Variants in SLFN12L observed in about 807,000 individuals in gnomAD.
SLFN12L encodes schlafen family member 12-like.
Under a neutral mutation model 34.8 loss-of-function variants are expected in SLFN12L, and 34 were observed. The ratio of observed to expected loss-of-function variants is 0.98; its 90% CI spans 0.74 to 1.30. The LOEUF (loss-of-function observed/expected upper bound fraction) is 1.30, where lower values mean the gene tolerates loss of function less well. Ranked by LOEUF, SLFN12L falls within the 50% of genes most tolerant of loss-of-function variation. The pLI, the probability that SLFN12L is intolerant of heterozygous loss-of-function variation, is 0.00. For synonymous variants in SLFN12L, 259 were observed against 247.5 expected (o/e 1.05, Z -0.44); for missense variants, 703 against 696.2 (o/e 1.01, Z -0.11).
At chr17:35,506,633 T>C (rs1915472476) in intron 2 of SLFN12L, among the ~76,000 whole-genome samples, 1 of 152,210 alleles carries the variant, frequency 6.6e-6, no homozygotes. Flanking sequence ...AATGTGCCAG[T>C]ACCAGAAATT....
Position 35,470,605 on chromosome 17 carries a change from C to G in SLFN12L, c.*4318G>C, listed in dbSNP as rs12937961. 23,040 of 151,938 alleles carry G rather than the reference C, an allele frequency of 0.15. 1,914 individuals carry two copies. The highest frequency in any genetic ancestry group is 0.25 in the Middle Eastern group (76 of 302). 9.4% of individuals were successfully genotyped at this position (151,938 alleles called of 1,614,324 possible). The stretch of plus-strand genomic sequence containing the variant: ...GGTCACCCATCACCAGCAGCTGATA[C>G]AGGCTGCCTGAGGTTCAGGGCTGGA... On this transcript the variant is annotated 3_prime_UTR_variant, in exon 5 of 5. Coordinates refer to ENST00000628453, the MANE Select transcript of SLFN12L (RefSeq NM_001363830.2).
intron 2 of SLFN12L, among the ~76,000 whole-genome samples, chr17:35,494,228 T>TA (rs3087170): frequency 0.016 from 2,339 of 149,128 alleles, 53 homozygotes; most frequent in African/African-American, 0.049. Flanking sequence ...TAATATAATG[T>TA]AAAAAAAAAA....
At chr17:35,488,476 C>A (rs1354548984) in intron 2 of SLFN12L, among the ~76,000 whole-genome samples, 1 of 152,206 alleles carries the variant, frequency 6.6e-6, no homozygotes, top group African/African-American at 2.4e-5. Context: ...TCCAGTGGCT[C>A]CTCTAACTGG....
chr17:35,536,650 T>TA (rs1445561145), intron 1 of SLFN12L, among the ~76,000 whole-genome samples: 3 of 150,674 alleles, frequency 2.0e-5, no homozygotes, highest in African/African-American at 7.3e-5. Context: ...CTACAAAATA[T>TA]AAAAAAATTA....
intron 4 of SLFN12L, among the ~76,000 whole-genome samples, chr17:35,476,705 C>A (rs1914042099): frequency 6.7e-6 from 1 of 148,908 alleles, no homozygotes; most frequent in African/African-American, 2.5e-5. Flanking sequence ...GTAATTAGTG[C>A]AAAATTAAAA....
intron 2 of SLFN12L, among the ~76,000 whole-genome samples, chr17:35,486,874 G>C (rs542416344): frequency 6.6e-6 from 1 of 152,174 alleles, no homozygotes; most frequent in Non-Finnish European, 1.5e-5. Context: ...CACAAGGGTG[G>C]GACAGGAGGC....
Position 35,480,017 on chromosome 17 carries a change from C to T in SLFN12L, c.265G>A (p.Ala89Thr), listed in dbSNP as rs904732015. ...RKQQNENVSR[A>T]VCALLNSGGG... ...CCAGAATTCAGCAGAGCACACACAGCTCGTGAGACATTTTCATTCTGCTGT... is the reference window on the plus strand; with the variant it reads ...CCAGAATTCAGCAGAGCACACACAGTTCGTGAGACATTTTCATTCTGCTGT... Residue 89 changes from alanine (A) to threonine (T), a missense_variant, in exon 3 of 5, where the codon GCT becomes ACT. Coordinates refer to ENST00000628453, the MANE Select transcript of SLFN12L (RefSeq NM_001363830.2). 6.2e-7 allele frequency: 1 copy of T among 1,614,184 alleles called. No individual in the cohort carries two copies. Among genetic ancestry groups the T allele is most frequent in the Non-Finnish European group, 8.5e-7 (1 of 1,180,028 alleles).
At chr17:35,485,088 CTTTT>C (rs993933745) in intron 2 of SLFN12L, among the ~76,000 whole-genome samples, 2 of 152,046 alleles carry the variant, frequency 1.3e-5, no homozygotes, top group African/African-American at 4.8e-5. Flanking sequence ...TCTCTTCTTT[CTTTT>C]TTGATTTTAG....
rs936921403 is a variant in SLFN12L, at chr17:35,469,980, G to C, written c.*4943C>G. 6.6e-6 allele frequency: 1 copy of C among 152,076 alleles called. No individual in the cohort carries two copies. The highest frequency in any genetic ancestry group is 1.5e-5 in the Non-Finnish European group (1 of 68,032). 9.4% of individuals were successfully genotyped at this position (152,076 alleles called of 1,614,324 possible). On this transcript the variant is annotated 3_prime_UTR_variant, in exon 5 of 5. Coordinates refer to ENST00000628453, the MANE Select transcript of SLFN12L (RefSeq NM_001363830.2). ...CTGCTCCTCTTTCCTTAACCAACTGGATGCTTTACCACATGACCCTGCATG... is the reference window on the plus strand; with the variant it reads ...CTGCTCCTCTTTCCTTAACCAACTGCATGCTTTACCACATGACCCTGCATG...
At chr17:35,491,129 T>G in intron 2 of SLFN12L, 1 of 775,344 alleles carries the variant, frequency 1.3e-6, no homozygotes, top group Non-Finnish European at 2.4e-6. Context: ...GTGAACTTAC[T>G]GCCTCCCCTG....
At chr17:35,490,210 T>G in intron 2 of SLFN12L, 1 of 1,587,408 alleles carries the variant, frequency 6.3e-7, no homozygotes, top group Non-Finnish European at 8.6e-7. Flanking sequence ...GCAGTGGCCC[T>G]CTGGCAAAGT....
chr17:35,490,042 C>A, intron 2 of SLFN12L: 1 of 1,604,108 alleles, frequency 6.2e-7, no homozygotes, highest in South Asian at 1.1e-5. Flanking sequence ...CCACCACCTC[C>A]TGTTCCCTCT....
intron 2 of SLFN12L, among the ~76,000 whole-genome samples, chr17:35,502,416 G>GAAAAAAAAAAAA (rs1161388791): frequency 7.9e-5 from 2 of 25,250 alleles, no homozygotes; most frequent in African/African-American, 2.5e-4. Flanking sequence ...GTATCCTAAG[G>GAAAAAAAAAAAA]AAAAAAAAAA....
At chr17:35,520,057 G>T (rs1252293835) in intron 2 of SLFN12L, among the ~76,000 whole-genome samples, 4 of 151,870 alleles carry the variant, frequency 2.6e-5, no homozygotes, top group Non-Finnish European at 5.9e-5. Context: ...AGGACCTAAA[G>T]CCTTGACAGG....
chr17:35,535,882 C>G (rs952167585), intron 1 of SLFN12L, among the ~76,000 whole-genome samples: 4 of 152,180 alleles, frequency 2.6e-5, no homozygotes, highest in African/African-American at 9.7e-5. Context: ...TCTTGAACTC[C>G]TGACCTCAAA....
At chr17:35,525,094 G>A (rs1031080502) in intron 1 of SLFN12L, among the ~76,000 whole-genome samples, 1 of 151,854 alleles carries the variant, frequency 6.6e-6, no homozygotes, top group Non-Finnish European at 1.5e-5. Flanking sequence ...TGATCAAGCA[G>A]AAGAAAGGAT....
intron 2 of SLFN12L, among the ~76,000 whole-genome samples, chr17:35,519,361 T>C (rs963356526): frequency 2.0e-5 from 3 of 151,850 alleles, no homozygotes; most frequent in African/African-American, 4.8e-5. Context: ...CAAAATAAAA[T>C]AAATAAAAAA....
At chr17:35,530,420 A>AG (rs1209942993) in intron 1 of SLFN12L, among the ~76,000 whole-genome samples, 197 of 10,114 alleles carry the variant, frequency 0.019, 28 homozygotes, top group East Asian at 0.036. Context: ...GAAGGAAGGA[A>AG]GGAAGGAAGG....
chr17:35,529,621 T>A (rs1416481114), intron 1 of SLFN12L, among the ~76,000 whole-genome samples: 4 of 150,594 alleles, frequency 2.7e-5, no homozygotes, highest in Admixed American at 2.7e-4. Context: ...ACATGTTCTC[T>A]CTCATAAGTG....
Sources: allele counts gnomAD v4.1 joint callset (sites outside exome capture counted in the v4.1 genomes callset), GRCh38; gene constraint gnomAD v4.1.1; transcripts MANE v1.5; gene names NCBI Gene and HGNC (gene_info 2026-07-23, HGNC 2026-07-21).